Variants in PAPPA observed in about 807,000 individuals in gnomAD.
The protein encoded by PAPPA is pappalysin-1.
Under a neutral mutation model 164.0 loss-of-function variants are expected in PAPPA, and 60 were observed. That is an observed-to-expected ratio of 0.37 (90% CI 0.30 to 0.45). The LOEUF is 0.45. Ranked by LOEUF, PAPPA falls within the 20% of genes least tolerant of loss-of-function variation. The probability of loss-of-function intolerance (pLI) is 1.00; values close to 1 mark genes in which losing one functional copy is unlikely to be tolerated. For synonymous variants in PAPPA, 875 were observed against 814.1 expected (o/e 1.07, Z -1.27); for missense variants, 1,782 against 2,087.3 (o/e 0.85, Z 2.85).
chr9:116,355,571 C>T (rs974978804), intron 17 of PAPPA, among the ~76,000 whole-genome samples: 1 of 152,180 alleles, frequency 6.6e-6, no homozygotes, highest in Non-Finnish European at 1.5e-5. Flanking sequence ...ATTACCACGG[C>T]CTCTTGCAGG....
chr9:116,161,257 A>G (rs2118975342), intron 1 of PAPPA, among the ~76,000 whole-genome samples: 1 of 152,316 alleles, frequency 6.6e-6, no homozygotes, highest in South Asian at 2.1e-4. Context: ...GGGACTTCAT[A>G]AGTCTGCCAA....
rs200604980 is a variant in PAPPA, at chr9:116,289,121, CATATATATATATATATATAT to C, written c.2954-13616_2954-13597del. On this transcript the variant is annotated intron_variant, in intron 9 of 21. Coordinates refer to ENST00000328252, the MANE Select transcript of PAPPA (RefSeq NM_002581.5). ...GGATTGCAGAATAGATATGCATATA[CATATATATATATATATATAT>C]ATATATATATATATATATAGCATAT... Among the ~76,000 whole-genome samples the C allele has an allele frequency of 1.0e-3, 18 of 17,880 alleles. 2 individuals carry two copies. The highest frequency in any genetic ancestry group is 2.8e-3 in the African/African-American group (14 of 5,022). 11.7% of individuals were successfully genotyped at this position (17,880 alleles called of 152,430 possible).
intron 5 of PAPPA, among the ~76,000 whole-genome samples, chr9:116,222,864 A>G (rs1005162934): frequency 6.6e-6 from 1 of 152,256 alleles, no homozygotes; most frequent in Admixed American, 6.5e-5. Context: ...GCCAAAAAAC[A>G]GTGTGAGAGA....
At chr9:116,313,082 C>CAA (rs59596284) in intron 10 of PAPPA, among the ~76,000 whole-genome samples, 29 of 68,418 alleles carry the variant, frequency 4.2e-4, no homozygotes, top group Admixed American at 9.8e-4. Context: ...GACTCCATCT[C>CAA]AAAAAAAAAA....
chr9:116,231,566 A>T (rs1235554202), intron 6 of PAPPA, among the ~76,000 whole-genome samples: 4 of 151,984 alleles, frequency 2.6e-5, no homozygotes, highest in Non-Finnish European at 5.9e-5. Context: ...GAGAACAGAG[A>T]TCATGTTGGC....
chr9:116,259,486 AG>A (rs1564201858), intron 7 of PAPPA, among the ~76,000 whole-genome samples: 1 of 152,230 alleles, frequency 6.6e-6, no homozygotes, highest in African/African-American at 2.4e-5. Flanking sequence ...ATAGGCAAAA[AG>A]ATGAACAAAC....
intron 13 of PAPPA, among the ~76,000 whole-genome samples, chr9:116,337,622 A>C (rs1846078455): frequency 6.7e-6 from 1 of 148,964 alleles, no homozygotes; most frequent in Non-Finnish European, 1.5e-5. Flanking sequence ...CTCCCTCCAC[A>C]ACCTTTCCTC....
At chr9:116,196,527 C>T (rs765420262) in intron 2 of PAPPA, among the ~76,000 whole-genome samples, 1 of 152,194 alleles carries the variant, frequency 6.6e-6, no homozygotes, top group Non-Finnish European at 1.5e-5. Context: ...TATTGAAATA[C>T]ATTTTCCTAA....
chr9:116,220,959 T>TA (rs1181728468), intron 5 of PAPPA, among the ~76,000 whole-genome samples: 2 of 140,210 alleles, frequency 1.4e-5, no homozygotes, highest in African/African-American at 5.3e-5. Context: ...GTTTTTTTTT[T>TA]TTATTTTGTA....
chr9:116,374,196 GATGGTGGTGCCA>G (rs1846619106), intron 19 of PAPPA, among the ~76,000 whole-genome samples: 1 of 111,590 alleles, frequency 9.0e-6, no homozygotes, highest in Non-Finnish European at 2.0e-5. Flanking sequence ...TGGTGATGAT[GATGGTGGTGCCA>G]ATGGTGCTGA....
chr9:116,282,196 C>T (rs570897580), intron 9 of PAPPA, among the ~76,000 whole-genome samples: 1 of 152,288 alleles, frequency 6.6e-6, no homozygotes, highest in Admixed American at 6.5e-5. Flanking sequence ...GTAACCTATG[C>T]ACACCTTCCT....
chr9:116,392,267 C>T (rs1336909153), intron 21 of PAPPA, among the ~76,000 whole-genome samples: 10 of 151,844 alleles, frequency 6.6e-5, no homozygotes, highest in African/African-American at 2.4e-4. Context: ...CTTTTTTTTC[C>T]CCCTTCTTTT....
At chr9:116,241,344 A>G (rs1844733236) in intron 7 of PAPPA, among the ~76,000 whole-genome samples, 1 of 152,222 alleles carries the variant, frequency 6.6e-6, no homozygotes, top group Non-Finnish European at 1.5e-5. Context: ...ATTATATAAT[A>G]TCCCAGTTGG....
At chr9:116,162,943 T>C (rs1307947166) in intron 1 of PAPPA, among the ~76,000 whole-genome samples, 1 of 152,124 alleles carries the variant, frequency 6.6e-6, no homozygotes, top group Non-Finnish European at 1.5e-5. Flanking sequence ...AAACACATTA[T>C]TGTGTCATTT....
chr9:116,287,780 A>G (rs1355949677), intron 9 of PAPPA, among the ~76,000 whole-genome samples: 1 of 152,102 alleles, frequency 6.6e-6, no homozygotes, highest in Non-Finnish European at 1.5e-5. Flanking sequence ...CTATTCTTTG[A>G]CCATATCCTA....
chr9:116,235,281 C>A lies in PAPPA; in HGVS notation c.2376C>A (p.Val792=). The change falls in exon 7 of 22, where the codon GTC becomes GTA. Residue 792 remains valine, a synonymous_variant. Transcript: ENST00000328252. The stretch of plus-strand genomic sequence containing the variant: ...AGCTGGAGTTCCTCTACCCCTTGGT[C>A]CCTGAGTCTCTGACCATTTGGGTGA... ...YLELEFLYPL[V]PESLTIWVTF... 6.2e-7 allele frequency: 1 copy of A among 1,614,136 alleles called. No homozygotes were observed. Among genetic ancestry groups the A allele is most frequent in the Non-Finnish European group, 8.5e-7 (1 of 1,180,016 alleles).
chr9:116,218,723 C>T (rs1396570092), intron 4 of PAPPA, among the ~76,000 whole-genome samples: 1 of 152,156 alleles, frequency 6.6e-6, no homozygotes, highest in Non-Finnish European at 1.5e-5. Flanking sequence ...TACAATGTCT[C>T]ATTTATGCTT....
chr9:116,380,898 G>T (rs190067750), intron 20 of PAPPA, among the ~76,000 whole-genome samples: 1 of 152,204 alleles, frequency 6.6e-6, no homozygotes, highest in Non-Finnish European at 1.5e-5. Context: ...GTTCTTTCTG[G>T]AGCAGTGAGG....
intron 19 of PAPPA, among the ~76,000 whole-genome samples, chr9:116,375,446 G>A (rs1846637167): frequency 6.6e-6 from 1 of 152,232 alleles, no homozygotes; most frequent in Non-Finnish European, 1.5e-5. Flanking sequence ...TAGAGGACAA[G>A]TCTAGTGCTT....
Sources: allele counts gnomAD v4.1 joint callset (sites outside exome capture counted in the v4.1 genomes callset), GRCh38; gene constraint gnomAD v4.1.1; transcripts MANE v1.5; gene names NCBI Gene and HGNC (gene_info 2026-07-23, HGNC 2026-07-21).